The following PINK1 variants were observed in gnomAD, a reference collection of about 807,000 sequenced individuals.
The protein encoded by PINK1 is PTEN induced kinase 1.
In PINK1, 58 loss-of-function variants were observed where a neutral mutation model predicts 56.0. The observed-to-expected ratio is 1.04, with a 90% CI of 0.84 to 1.29. The LOEUF (loss-of-function observed/expected upper bound fraction) is 1.29. PINK1 is among the 50% of genes most tolerant of loss of function. The pLI is 0.00. For missense variants in PINK1, 745 were observed against 777.9 expected, an observed-to-expected ratio of 0.96 and a Z score of 0.50; for synonymous variants, 354 against 339.3, an observed-to-expected ratio of 1.04 and a Z score of -0.48.
Position 20,644,688 on chromosome 1 carries a change from G to A in PINK1, c.959+16G>A, listed in dbSNP as rs769077171. On this transcript the variant is annotated intron_variant, in intron 4 of 7. Transcript: ENST00000321556. ...TTATGAAGAAGTAAGTGACAGCAGC[G>A]CGGCAGGGCCTGGAGCTGATACATC... is the stretch of plus-strand genomic sequence containing the variant. 9.3e-6 allele frequency: 15 copies of A among 1,613,652 alleles called. No individual in the cohort carries two copies. The highest frequency in any genetic ancestry group is 2.2e-5 in the East Asian group (1 of 44,874).
rs190393061 is a variant in PINK1, at chr1:20,651,223, G to A, written c.*532G>A. The A allele has an allele frequency of 9.9e-4, 175 of 177,200 alleles. No homozygotes were observed. In the East Asian group the frequency reaches 0.019, roughly 19 times the overall value. The allele number at this position is 177,200 out of a possible 1,614,324, so 11.0% of individuals were successfully genotyped here. ...AGCGAAAGTGACGGATGAGCAGTAA[G>A]TAAGTAAGTGTGGGGATTTAAACTT... On this transcript the variant is annotated 3_prime_UTR_variant, in exon 8 of 8. Transcript: ENST00000321556.
chr1:20,645,418 G>C lies in PINK1; in HGVS notation c.960-142G>C, dbSNP rs56125389. 0.17 allele frequency: 159,836 copies of C among 944,598 alleles called. 14,814 individuals carry two copies. The highest frequency in any genetic ancestry group is 0.22 in the Middle Eastern group (713 of 3,242). 58.5% of individuals were successfully genotyped at this position (944,598 alleles called of 1,614,324 possible). On this transcript the variant is annotated intron_variant, in intron 4 of 7. Transcript: ENST00000321556. The stretch of plus-strand genomic sequence containing the variant: ...GTAGGAGAATTGCTTGAACCTGGAA[G>C]GTGGAGGTTGCAGTGAGCCAAGATC...
rs763142730 is a variant in PINK1, at chr1:20,633,747, C to T, written c.199C>T (p.Leu67Phe). Reference sequence around the variant, plus strand: ...GGTCGGGCTCGGGCTCCCTAACCGTCTCCGCTTCTTCCGCCAGTCGGTGGC... The same window carrying T: ...GGTCGGGCTCGGGCTCCCTAACCGTTTCCGCTTCTTCCGCCAGTCGGTGGC... The part of the protein sequence containing the change: ...RRVGLGLPNR[L>F]RFFRQSVAGL... Residue 67 changes from leucine (L) to phenylalanine (F), a missense_variant, in exon 1 of 8, where the codon CTC (leucine) becomes TTC (phenylalanine). By Grantham distance (22) the Leu-to-Phe change is conservative (BLOSUM62 0). Transcript: ENST00000321556. The T allele has an allele frequency of 1.1e-4, 170 of 1,543,382 alleles. No individual in the cohort carries two copies. Among genetic ancestry groups the T allele is most frequent in the Non-Finnish European group, 1.4e-4 (164 of 1,150,458 alleles).
intron 3 of PINK1, among the ~76,000 whole-genome samples, chr1:20,640,679 G>A (rs72650846): frequency 0.16 from 23,701 of 152,162 alleles, 2,130 homozygotes; most frequent in Middle Eastern, 0.24. Flanking sequence ...AAAAGCCCAT[G>A]TCCACCACCA....
intron 2 of PINK1, 37 bp downstream of exon 2, chr1:20,638,166 C>G (rs1339007956): frequency 2.5e-6 from 4 of 1,597,972 alleles, no homozygotes; most frequent in Non-Finnish European, 3.4e-6. Context: ...AGGAGATGTT[C>G]TCAAAATGCC....
chr1:20,650,735 CCT>C lies in PINK1; in HGVS notation c.*47_*48del, dbSNP rs1473405470. 8 of 1,598,728 alleles carry C rather than the reference CCT, an allele frequency of 5.0e-6. No homozygotes were observed. In the East Asian group the frequency reaches 9.0e-5, roughly 18 times the overall value. Reference sequence around the variant, plus strand: ...GTGAATTACTAAAAGAACATGGCATCCTCTGTGTCGTGATGGTCTGTGAATGG... The same window carrying C: ...GTGAATTACTAAAAGAACATGGCATCCTGTGTCGTGATGGTCTGTGAATGG... On this transcript the variant is annotated 3_prime_UTR_variant, in exon 8 of 8. Transcript: ENST00000321556.
chr1:20,638,836 TC>T (rs1484604788), intron 2 of PINK1: 1 of 153,100 alleles, frequency 6.5e-6, no homozygotes, highest in South Asian at 2.1e-4. Context: ...ATCCCCTCCT[TC>T]CTGCAACCTG....
Position 20,641,839 on chromosome 1 carries a change from C to T in PINK1, c.776+1847C>T, listed in dbSNP as rs1364993443. On this transcript the variant is annotated intron_variant, in intron 3 of 7. Transcript: ENST00000321556. The surrounding 1 kb of genome is among the most constrained non-coding windows in gnomAD (Gnocchi z 4.0). Reference sequence around the variant, plus strand: ...TCTCTGTGACCATCTCTTGAGCGTACAGCTGGCTATACCTGGGCTGCCCTC... The same window carrying T: ...TCTCTGTGACCATCTCTTGAGCGTATAGCTGGCTATACCTGGGCTGCCCTC... Among the ~76,000 whole-genome samples, 1 of 152,214 alleles carries T rather than the reference C, an allele frequency of 6.6e-6. No homozygotes were observed. Among genetic ancestry groups the T allele is most frequent in the African/African-American group, 2.4e-5 (1 of 41,450 alleles).
Position 20,649,336 on chromosome 1 carries a change from G to C in PINK1, c.1488+105G>C. 2.4e-6 allele frequency: 3 copies of C among 1,227,748 alleles called. 1 individual carries two copies. The Admixed American group carries it at 5.4e-5, about 22-fold the overall frequency. 76.1% of individuals were successfully genotyped at this position (1,227,748 alleles called of 1,614,324 possible). On this transcript the variant is annotated intron_variant, in intron 7 of 7. Transcript: ENST00000321556. ...CCAGAGCCACAGTGACAGATCCTCT[G>C]TGTTAGGAAGGTAAAGGCTAGTTAC...
chr1:20,643,233 G>A (rs1290251960), intron 3 of PINK1: 1 of 152,266 alleles, frequency 6.6e-6, no homozygotes, highest in African/African-American at 2.4e-5. Context: ...TGGGGCAGGT[G>A]ACTCCTTGGG....
intron 4 of PINK1, among the ~76,000 whole-genome samples, chr1:20,644,892 A>G (rs1423051300): frequency 6.6e-6 from 1 of 152,186 alleles, no homozygotes; most frequent in Non-Finnish European, 1.5e-5. Flanking sequence ...TCCAGAACAT[A>G]CTTGTCACCT....
Position 20,637,939 on chromosome 1 carries a change from T to C in PINK1, c.485T>C (p.Ile162Thr), listed in dbSNP as rs1227931926. The C allele has an allele frequency of 2.5e-6, 4 of 1,614,052 alleles. No individual in the cohort carries two copies. Among genetic ancestry groups the C allele is most frequent in the Non-Finnish European group, 2.5e-6 (3 of 1,180,038 alleles). ...GAGGAGTATCTGATAGGGCAGTCCA[T>C]TGGTAAGGGCTGCAGTGCTGCTGTG... ...RLEEYLIGQS[I>T]GKGCSAAVYE... is the part of the protein sequence containing the mutation. The change falls in exon 2 of 8, where the codon ATT becomes ACT. Residue 162 changes from isoleucine to threonine, a missense_variant. Transcript: ENST00000321556.
At chr1:20,634,064 C>A in intron 1 of PINK1, 129 bp downstream of exon 1, 1 of 1,106,604 alleles carries the variant, frequency 9.0e-7, no homozygotes, top group South Asian at 1.5e-5. Flanking sequence ...AGGCGAGGGT[C>A]CTTAAAGCTC....
At chr1:20,636,984 C>A (rs1232904282) in intron 1 of PINK1, among the ~76,000 whole-genome samples, 1 of 152,306 alleles carries the variant, frequency 6.6e-6, no homozygotes, top group East Asian at 1.9e-4. Context: ...CACATGAAAG[C>A]AACATATTTT....
chr1:20,637,731 T>A (rs1352146272), intron 1 of PINK1, 111 bp from the exon 2 acceptor site: 23 of 1,272,896 alleles, frequency 1.8e-5, no homozygotes, highest in Non-Finnish European at 2.5e-5. Flanking sequence ...GGTTTATTGA[T>A]CTGGTCGACG....
intron 6 of PINK1, 43 bp downstream of exon 6, chr1:20,648,675 C>A (rs71653623): frequency 9.9e-6 from 16 of 1,609,234 alleles, no homozygotes; most frequent in African/African-American, 6.7e-5. Flanking sequence ...GCCCTTCCCC[C>A]ACATGTCCAC....
rs982443907 is a variant in PINK1, at chr1:20,651,048, G to A, written c.*357G>A. 4.2e-5 allele frequency: 15 copies of A among 356,122 alleles called. No homozygotes were observed. The highest frequency in any genetic ancestry group is 2.1e-4 in the African/African-American group (10 of 47,760). 22.1% of individuals were successfully genotyped at this position (356,122 alleles called of 1,614,324 possible). On this transcript the variant is annotated 3_prime_UTR_variant, in exon 8 of 8. Coordinates refer to ENST00000321556, the MANE Select transcript of PINK1 (RefSeq NM_032409.3). The stretch of plus-strand genomic sequence containing the variant: ...GAGGAACTCGTTTGAAGGGGGCAGC[G>A]TAGCATGTCTGATTTGCCACCTGGA...
chr1:20,648,360 T>A (rs2053214148), intron 5 of PINK1, 145 bp from the exon 6 acceptor site: 4 of 1,213,504 alleles, frequency 3.3e-6, no homozygotes, highest in South Asian at 2.6e-5. Flanking sequence ...TGATCAGCTC[T>A]CAGGCCTTGC....
rs957858721 is a variant in PINK1 at position 20,651,032 on chromosome 1, G to A, written c.*341G>A. ...CCTTTGCCCCTAACACGAGGAACTC[G>A]TTTGAAGGGGGCAGCGTAGCATGTC... On this transcript the variant is annotated 3_prime_UTR_variant, in exon 8 of 8. Transcript: ENST00000321556. 9 of 387,002 alleles carry A rather than the reference G, an allele frequency of 2.3e-5. No homozygotes were observed. Among genetic ancestry groups the A allele is most frequent in the African/African-American group, 6.2e-5 (3 of 48,532 alleles). 24.0% of individuals were successfully genotyped at this position (387,002 alleles called of 1,614,324 possible).
Sources: gnomAD v4.1 joint callset for allele counts (sites outside exome capture counted in the v4.1 genomes callset) on GRCh38, gnomAD v4.1.1 for gene constraint, Gnocchi (gnomAD v3.1) non-coding constraint, MANE v1.5 for transcripts, NCBI Gene and HGNC (gene_info 2026-07-23, HGNC 2026-07-21) for gene names.